The following XIRP2 variants were observed in gnomAD, a reference collection of about 807,000 sequenced individuals.
The protein encoded by XIRP2 is xin actin binding repeat containing 2.
A neutral mutation model predicts 277.0 loss-of-function variants in XIRP2; 236 were observed. The observed-to-expected ratio is 0.85, with a 90% CI of 0.77 to 0.95. The LOEUF (loss-of-function observed/expected upper bound fraction) is 0.95. XIRP2 is among the 40% of genes least tolerant of loss of function. The pLI is 0.00. For missense variants in XIRP2, 4,640 were observed against 4,157.5 expected (o/e 1.12, Z -3.19); for synonymous variants, 1,490 against 1,416.5 (o/e 1.05, Z -1.17).
intron 2 of XIRP2, among the ~76,000 whole-genome samples, chr2:166,916,574 G>T (rs779571231): frequency 1.4e-4 from 21 of 152,008 alleles, no homozygotes; most frequent in Non-Finnish European, 2.9e-4. Flanking sequence ...AAAAAATAAG[G>T]ATTATTCTCA....
chr2:167,248,850 T>C lies in XIRP2; in HGVS notation c.7458T>C (p.Leu2486=). 6.2e-7 allele frequency: 1 copy of C among 1,613,500 alleles called. No homozygotes were observed. Among genetic ancestry groups the C allele is most frequent in the Non-Finnish European group, 8.5e-7 (1 of 1,179,770 alleles). ...ETKQNVISKS[L]DERKQLSIDS... is the part of the protein sequence containing the mutation. The stretch of plus-strand genomic sequence containing the variant: ...AGCAGAACGTTATTAGTAAGAGTCT[T>C]GATGAAAGAAAACAATTATCTATTG... Residue 2486 remains leucine, a synonymous_variant, in exon 9 of 11, where the codon CTT becomes CTC. Transcript: ENST00000409195.
intron 2 of XIRP2, among the ~76,000 whole-genome samples, chr2:167,114,962 T>G (rs1306365587): frequency 6.6e-6 from 1 of 152,156 alleles, no homozygotes; most frequent in Non-Finnish European, 1.5e-5. Context: ...ATATACCCAG[T>G]AATGGGATGT....
intron 2 of XIRP2, among the ~76,000 whole-genome samples, chr2:166,999,516 G>A (rs531532510): frequency 1.1e-4 from 17 of 152,120 alleles, no homozygotes; most frequent in East Asian, 7.7e-4. Context: ...TACATGCAAC[G>A]TACATCCATG....
chr2:167,190,621 TAACTA>T (rs2105365944), intron 3 of XIRP2, among the ~76,000 whole-genome samples: 1 of 152,326 alleles, frequency 6.6e-6, no homozygotes, highest in Non-Finnish European at 1.5e-5. Context: ...CTTACAAATT[TAACTA>T]AACTATTTTT....
chr2:167,243,472 T>C lies in XIRP2; in HGVS notation c.2080T>C (p.Tyr694His). ...TGGGGGGGATGTCAAGACTGTGAGA[T>C]ACATGTTTGAAACTCAACATCTAGA... is the stretch of plus-strand genomic sequence containing the variant. ...ITGGDVKTVRYMFETQHLDQL... is the reference protein window; with the variant it reads ...ITGGDVKTVRHMFETQHLDQL... The change falls in exon 9 of 11, where the codon TAC becomes CAC. Residue 694 changes from tyrosine (Y) to histidine (H), a missense_variant. By Grantham distance (83) the Tyr-to-His change is moderately conservative. Transcript: ENST00000409195. The C allele has an allele frequency of 6.2e-7, 1 of 1,614,072 alleles. No homozygotes were observed. The highest frequency in any genetic ancestry group is 8.5e-7 in the Non-Finnish European group (1 of 1,179,980).
At chr2:167,114,692 G>A (rs531078722) in intron 2 of XIRP2, among the ~76,000 whole-genome samples, 51 of 151,588 alleles carry the variant, frequency 3.4e-4, no homozygotes, top group Non-Finnish European at 6.0e-4. Context: ...GAGAACATGC[G>A]GTGTTTGGTT....
intron 2 of XIRP2, among the ~76,000 whole-genome samples, chr2:167,040,979 C>T (rs928425105): frequency 2.0e-5 from 3 of 152,170 alleles, no homozygotes; most frequent in Non-Finnish European, 4.4e-5. Flanking sequence ...CTGCTGCCGC[C>T]CTGACAAAGT....
intron 2 of XIRP2, among the ~76,000 whole-genome samples, chr2:167,070,905 T>C (rs893423817): frequency 8.5e-5 from 13 of 152,226 alleles, no homozygotes; most frequent in Non-Finnish European, 1.3e-4. Flanking sequence ...TCTTGAGAGT[T>C]TATCTGTTGA....
At position 167,040,077 on chromosome 2, in the gene XIRP2, A is replaced by G. The variant is rs533028364; in HGVS notation, c.409-95832A>G. ...CAACAAAATAAACTGAAAGGAGATT[A>G]TCATGATTCTTTCAATAATATTAGA... On this transcript the variant is annotated intron_variant, in intron 2 of 10. Transcript: ENST00000409195. Among the ~76,000 whole-genome samples the G allele has an allele frequency of 5.3e-5, 8 of 152,280 alleles. No homozygotes were observed. In the South Asian group the frequency reaches 1.7e-3, roughly 32 times the overall value.
rs1160449208 is a variant in XIRP2 at position 167,244,901 on chromosome 2, A to G, written c.3509A>G (p.Glu1170Gly). The G allele has an allele frequency of 6.2e-7, 1 of 1,613,196 alleles. No individual in the cohort carries two copies. The highest frequency in any genetic ancestry group is 8.5e-7 in the Non-Finnish European group (1 of 1,179,680). ...GTTCGTACAGCATGTTTTCTTTTTG[A>G]GACAGAAAATTTGGACAGCATACAA... ...GDVRTACFLF[E>G]TENLDSIQGE... Residue 1170 changes from glutamate (E) to glycine (G), a missense_variant, in exon 9 of 11, where the codon GAG (glutamate) becomes GGG (glycine). By Grantham distance (98) the Glu-to-Gly change is moderately conservative. Coordinates refer to ENST00000409195, the MANE Select transcript of XIRP2 (RefSeq NM_152381.6).
chr2:167,095,089 T>C (rs59250079), intron 2 of XIRP2, among the ~76,000 whole-genome samples: 2,110 of 152,084 alleles, frequency 0.014, 57 homozygotes, highest in African/African-American at 0.048. Context: ...TTGTGAATGG[T>C]AATTTACTCA....
chr2:167,147,413 T>G (rs1691892857), intron 3 of XIRP2, among the ~76,000 whole-genome samples: 1 of 152,076 alleles, frequency 6.6e-6, no homozygotes, highest in African/African-American at 2.4e-5. Context: ...CTTACCCAGG[T>G]CAGATTGTTT....
At chr2:167,079,174 A>G (rs1216391273) in intron 2 of XIRP2, among the ~76,000 whole-genome samples, 1 of 152,214 alleles carries the variant, frequency 6.6e-6, no homozygotes, top group Admixed American at 6.5e-5. Context: ...TGATTTGCAT[A>G]TGTTGAACCA....
intron 2 of XIRP2, among the ~76,000 whole-genome samples, chr2:167,020,927 G>A (rs1445368588): frequency 2.0e-5 from 3 of 151,932 alleles, no homozygotes; most frequent in Admixed American, 6.6e-5. Context: ...ATTGTTAATT[G>A]AAATAATCTG....
Position 167,245,683 on chromosome 2 carries a change from G to T in XIRP2, c.4291G>T (p.Asp1431Tyr). 1 of 1,613,500 alleles carries T rather than the reference G, an allele frequency of 6.2e-7. No individual in the cohort carries two copies. The highest frequency in any genetic ancestry group is 8.5e-7 in the Non-Finnish European group (1 of 1,179,692). Residue 1431 changes from aspartate (D) to tyrosine (Y), a missense_variant, in exon 9 of 11, where the codon GAT becomes TAT. Physicochemically the swap from Asp to Tyr is radical, Grantham distance 160. Coordinates refer to ENST00000409195, the MANE Select transcript of XIRP2 (RefSeq NM_152381.6). ...SRQFFESENF[D>Y]KNNYIRTVSV... ...ACAATTCTTTGAGTCTGAAAATTTT[G>T]ATAAGAATAACTATATACGAACAGT...
chr2:166,986,424 T>C lies in XIRP2; in HGVS notation c.408+82534T>C, dbSNP rs369695676. Among the ~76,000 whole-genome samples, 26 of 152,356 alleles carry C rather than the reference T, an allele frequency of 1.7e-4. No individual in the cohort carries two copies. In the South Asian group the frequency reaches 5.4e-3, roughly 32 times the overall value. On this transcript the variant is annotated intron_variant, in intron 2 of 10. Transcript: ENST00000409195. Reference sequence around the variant, plus strand: ...ATAAAATATCAATGGTCACTTCAACTGAAACTTGCAATGTGGAATATTTAC... The same window carrying C: ...ATAAAATATCAATGGTCACTTCAACCGAAACTTGCAATGTGGAATATTTAC...
intron 5 of XIRP2, among the ~76,000 whole-genome samples, chr2:167,237,667 C>T (rs534365864): frequency 6.6e-6 from 1 of 152,288 alleles, no homozygotes; most frequent in South Asian, 2.1e-4. Flanking sequence ...ATCCCCAGGC[C>T]TCAGCGGGCA....
At chr2:166,997,422 G>C (rs1015403558) in intron 2 of XIRP2, among the ~76,000 whole-genome samples, 1 of 152,054 alleles carries the variant, frequency 6.6e-6, no homozygotes, top group Non-Finnish European at 1.5e-5. Flanking sequence ...TAAATGAGGA[G>C]GTAGGTTAGT....
intron 3 of XIRP2, among the ~76,000 whole-genome samples, chr2:167,191,700 C>T (rs1055893361): frequency 6.6e-6 from 1 of 152,162 alleles, no homozygotes; most frequent in Non-Finnish European, 1.5e-5. Context: ...CCCAAAACCC[C>T]ACTCTCATCA....
Sources: gnomAD v4.1 joint callset for allele counts (sites outside exome capture counted in the v4.1 genomes callset) on GRCh38, gnomAD v4.1.1 for gene constraint, MANE v1.5 for transcripts, NCBI Gene and HGNC (gene_info 2026-07-23, HGNC 2026-07-21) for gene names.